Variants in PCOLCE observed in about 807,000 individuals in gnomAD.
PCOLCE encodes procollagen C-endopeptidase enhancer 1.
A neutral mutation model predicts 47.2 loss-of-function variants in PCOLCE; 33 were observed. The observed-to-expected ratio is 0.70, with a 90% confidence interval of 0.53 to 0.93. The LOEUF is 0.93. PCOLCE is among the 40% of genes least tolerant of loss of function. PCOLCE has a pLI of 0.00. For missense variants in PCOLCE, 584 were observed against 585.3 expected (o/e 1.00, Z 0.02); for synonymous variants, 254 against 252.5 (o/e 1.01, Z -0.06).
At chr7:100,602,620 C>T in intron 1 of PCOLCE, 69 bp downstream of exon 1, 1 of 1,034,738 alleles carries the variant, frequency 9.7e-7, no homozygotes, top group Non-Finnish European at 1.5e-6. Flanking sequence ...GGGGTTATGC[C>T]TGGAGATATT....
Position 100,607,757 on chromosome 7 carries a change from C to T in PCOLCE, c.1133C>T (p.Ala378Val), listed in dbSNP as rs142327464. The change falls in exon 8 of 9, where the codon GCC (alanine) becomes GTC (valine). Residue 378 changes from alanine (A) to valine (V), a missense_variant. Physicochemically the swap from Ala to Val is moderately conservative, Grantham distance 64. Coordinates refer to ENST00000223061, the MANE Select transcript of PCOLCE (RefSeq NM_002593.4). ...GLDLPSPPTG[A>V]SLKFYVPCKQ... ...GACCTGCCTTCTCCACCCACTGGTG[C>T]CTCCCTGAAGTTTTACGTGCCTTGC... 37 of 1,614,046 alleles carry T rather than the reference C, an allele frequency of 2.3e-5. No individual in the cohort carries two copies. The African/African-American group carries it at 4.8e-4, about 21-fold the overall frequency.
At chr7:100,606,155 C>T (rs1291666067) in intron 5 of PCOLCE, 5 of 537,396 alleles carry the variant, frequency 9.3e-6, no homozygotes, top group East Asian at 3.2e-5. Context: ...ATGGCGCAAC[C>T]TTGTCTGTAC....
intron 1 of PCOLCE, 55 bp from the exon 2 acceptor site, chr7:100,603,375 T>TG: frequency 1.2e-6 from 1 of 863,384 alleles, no homozygotes; most frequent in South Asian, 1.6e-5. Flanking sequence ...ATCTTGCCAG[T>TG]GCTCCCCCGT....
Position 100,606,683 on chromosome 7 carries a change from A to G in PCOLCE, c.940+53A>G, listed in dbSNP as rs1443948952. ...AAACAGACTGAAGGGGGCCATTTCA[A>G]AAAGTTCTGACCTGGGCTGTGGCTC... On this transcript the variant is annotated intron_variant, in intron 6 of 8. Coordinates refer to ENST00000223061, the MANE Select transcript of PCOLCE (RefSeq NM_002593.4). 3 of 1,407,750 alleles carry G rather than the reference A, an allele frequency of 2.1e-6. No individual in the cohort carries two copies. In the African/African-American group the frequency reaches 4.3e-5, roughly 20 times the overall value. 87.2% of individuals were successfully genotyped at this position (1,407,750 alleles called of 1,614,324 possible). A position where few individuals can be genotyped will look rare whatever the true frequency, so the allele number is the denominator to read the frequency against.
chr7:100,604,092 G>T lies in PCOLCE; in HGVS notation c.338G>T (p.Gly113Val), dbSNP rs1312533752. ...GGCCAGCGGCTCGGACGCTTTTGTG[G>T]GACCTTCCGGCCTGCGCCCCTAGTC... ...TSGQRLGRFC[G>V]TFRPAPLVAP... The change falls in exon 3 of 9, where the codon GGG becomes GTG. Residue 113 changes from glycine to valine, a missense_variant. Gly to Val is a moderately radical substitution (Grantham distance 109). Transcript: ENST00000223061. The surrounding 1 kb of genome is among the most constrained non-coding windows in gnomAD (Gnocchi z 6.4). 1.2e-6 allele frequency: 2 copies of T among 1,610,116 alleles called. No homozygotes were observed. The highest frequency in any genetic ancestry group is 2.2e-5 in the South Asian group (2 of 91,082).
rs1386110806 is a variant in PCOLCE, at chr7:100,604,831, C to T, written c.464-260C>T. On this transcript the variant is annotated intron_variant, in intron 3 of 8. Transcript: ENST00000223061. This position sits in a 1 kb window ranked among gnomAD's most constrained non-coding sequence, Gnocchi z 6.4. ...GTGCGGCCGCGGGTCGGGGAGGGGC[C>T]AGAAGGGGGCGTCCAGCCAGTTCCT... 2.0e-6 allele frequency: 1 copy of T among 509,766 alleles called. No homozygotes were observed. The highest frequency in any genetic ancestry group is 3.5e-6 in the Non-Finnish European group (1 of 282,956). 31.6% of individuals were successfully genotyped at this position (509,766 alleles called of 1,614,324 possible). A position where few individuals can be genotyped will look rare whatever the true frequency, so the allele number is the denominator to read the frequency against.
rs1235844613 is a variant in PCOLCE at position 100,604,402 on chromosome 7, C to T, written c.463+185C>T. ...TCCTCCCCGTCTTCTCTCCCCTCCT[C>T]CCGCACCCACCCATCCCTCTTCCAG... On this transcript the variant is annotated intron_variant, in intron 3 of 8. Transcript: ENST00000223061. The surrounding 1 kb of genome is among the most constrained non-coding windows in gnomAD (Gnocchi z 6.4). 1.1e-5 allele frequency: 7 copies of T among 623,170 alleles called. No individual in the cohort carries two copies. Among genetic ancestry groups the T allele is most frequent in the Non-Finnish European group, 2.0e-5 (7 of 352,880 alleles). 38.6% of individuals were successfully genotyped at this position (623,170 alleles called of 1,614,324 possible).
In PCOLCE at chr7:100,605,061, C is replaced by T. The variant is rs1000761053; in HGVS notation, c.464-30C>T. The T allele has an allele frequency of 2.6e-6, 4 of 1,564,372 alleles. No individual in the cohort carries two copies. Among genetic ancestry groups the T allele is most frequent in the Non-Finnish European group, 3.5e-6 (4 of 1,139,606 alleles). Reference sequence around the variant, plus strand: ...AGCTGACCGAGGGTCTCCACCGCCCCCCACCCCCGCTCCTCTCTCCCCTCC... The same window carrying T: ...AGCTGACCGAGGGTCTCCACCGCCCTCCACCCCCGCTCCTCTCTCCCCTCC... On this transcript the variant is annotated intron_variant, in intron 3 of 8. Transcript: ENST00000223061. This position sits in a 1 kb window ranked among gnomAD's most constrained non-coding sequence, Gnocchi z 6.1.
chr7:100,605,484 C>A lies in PCOLCE; in HGVS notation c.589-192C>A, dbSNP rs1026695736. 6 of 730,214 alleles carry A rather than the reference C, an allele frequency of 8.2e-6. No individual in the cohort carries two copies. The highest frequency in any genetic ancestry group is 7.1e-5 in the African/African-American group (4 of 56,212). The allele number at this position is 730,214 out of a possible 1,614,324, so 45.2% of individuals were successfully genotyped here. A position where few individuals can be genotyped will look rare whatever the true frequency, so the allele number is the denominator to read the frequency against. ...CGCCAGGACTTGACCTTGCCAACCACGACGACCGACACCCCTGCAGGGTCC... is the reference window on the plus strand; with the variant it reads ...CGCCAGGACTTGACCTTGCCAACCAAGACGACCGACACCCCTGCAGGGTCC... On this transcript the variant is annotated intron_variant, in intron 4 of 8. Coordinates refer to ENST00000223061, the MANE Select transcript of PCOLCE (RefSeq NM_002593.4). The surrounding 1 kb of genome is among the most constrained non-coding windows in gnomAD (Gnocchi z 6.1).
intron 5 of PCOLCE, 194 bp from the exon 6 acceptor site, chr7:100,606,222 G>A (rs746201012): frequency 2.2e-4 from 128 of 571,356 alleles, no homozygotes; most frequent in Non-Finnish European, 3.8e-4. Context: ...CCAGCAACTT[G>A]CGGGGCTGAG....
In PCOLCE at chr7:100,604,842, G is replaced by C; in HGVS notation, c.464-249G>C. 2.0e-6 allele frequency: 1 copy of C among 511,372 alleles called. No individual in the cohort carries two copies. The highest frequency in any genetic ancestry group is 3.3e-5 in the East Asian group (1 of 30,446). The allele number at this position is 511,372 out of a possible 1,614,324, so 31.7% of individuals were successfully genotyped here. A position where few individuals can be genotyped will look rare whatever the true frequency, so the allele number is the denominator to read the frequency against. On this transcript the variant is annotated intron_variant, in intron 3 of 8. Transcript: ENST00000223061. This position sits in a 1 kb window ranked among gnomAD's most constrained non-coding sequence, Gnocchi z 6.4. The stretch of plus-strand genomic sequence containing the variant: ...GGTCGGGGAGGGGCCAGAAGGGGGC[G>C]TCCAGCCAGTTCCTCCTCCCGCTTC...
At chr7:100,606,292 G>A in intron 5 of PCOLCE, 124 bp from the exon 6 acceptor site, 2 of 658,154 alleles carry the variant, frequency 3.0e-6, no homozygotes, top group Middle Eastern at 4.2e-4. Flanking sequence ...TGGAGCCACT[G>A]CACTCAAGCC....
chr7:100,603,622 C>G (rs891334422), intron 2 of PCOLCE, 84 bp downstream of exon 2: 18 of 634,636 alleles, frequency 2.8e-5, no homozygotes, highest in Non-Finnish European at 5.0e-5. Context: ...CCCCCCGTCC[C>G]CCCCGCACCA....
intron 5 of PCOLCE, chr7:100,606,026 G>A: frequency 1.6e-6 from 1 of 607,478 alleles, no homozygotes; most frequent in East Asian, 2.9e-5. Context: ...GCGAAGTTGG[G>A]ACGAAGTTAA....
rs1487929879 is a variant in PCOLCE, at chr7:100,607,926, C to T, written c.1184-11C>T. The T allele has an allele frequency of 6.8e-6, 11 of 1,614,094 alleles. No individual in the cohort carries two copies. The highest frequency in any genetic ancestry group is 5.0e-5 in the Admixed American group (3 of 60,020). On this transcript the variant is annotated splice_polypyrimidine_tract_variant and intron_variant, in intron 8 of 8. Coordinates refer to ENST00000223061, the MANE Select transcript of PCOLCE (RefSeq NM_002593.4). ...GAATAAGAGATCTCAACCCCTCCCT[C>T]CTTCTTCCAGGAGTCAGTTATCTGC...
In PCOLCE at chr7:100,604,114, A is replaced by G; in HGVS notation, c.360A>G (p.Leu120=). The G allele has an allele frequency of 6.2e-7, 1 of 1,611,742 alleles. No homozygotes were observed. Among genetic ancestry groups the G allele is most frequent in the Non-Finnish European group, 8.5e-7 (1 of 1,179,968 alleles). The stretch of plus-strand genomic sequence containing the variant: ...GTGGGACCTTCCGGCCTGCGCCCCT[A>G]GTCGCCCCCGGCAACCAGGTGACCC... ...RFCGTFRPAP[L]VAPGNQVTLR... is the part of the protein sequence containing the mutation. Residue 120 remains leucine, a synonymous_variant, in exon 3 of 9, where the codon CTA becomes CTG. Coordinates refer to ENST00000223061, the MANE Select transcript of PCOLCE (RefSeq NM_002593.4). This position sits in a 1 kb window ranked among gnomAD's most constrained non-coding sequence, Gnocchi z 6.4.
chr7:100,605,172 CG>C lies in PCOLCE; in HGVS notation c.548del (p.Gly183AlafsTer18), dbSNP rs1254128867. ...AACTGGCCCGAGTCCGATTACCCCCCGGGCATCAGCTGTTCCTGGCACATCA... is the reference window on the plus strand; with the variant it reads ...AACTGGCCCGAGTCCGATTACCCCCCGGCATCAGCTGTTCCTGGCACATCA... ...TPNWPESDYPPGISCSWHIIA... is the reference protein window; with the variant it reads ...TPNWPESDYPXGISCSWHIIA... On this transcript the variant is annotated frameshift_variant, in exon 4 of 9. Transcript: ENST00000223061. LOFTEE classifies it high-confidence loss of function. This position sits in a 1 kb window ranked among gnomAD's most constrained non-coding sequence, Gnocchi z 6.1. 1 of 1,612,936 alleles carries C rather than the reference CG, an allele frequency of 6.2e-7. No homozygotes were observed. Among genetic ancestry groups the C allele is most frequent in the African/African-American group, 1.3e-5 (1 of 74,894 alleles).
rs1487674575 is a variant in PCOLCE at position 100,603,454 on chromosome 7, T to C, written c.120T>C (p.Asp40=). The change falls in exon 2 of 9, where the codon GAT becomes GAC. Residue 40 remains aspartate (D), a synonymous_variant. Transcript: ENST00000223061. Reference sequence around the variant, plus strand: ...GACCCGTGTTCCTGTGCGGAGGGGATGTGAAGGGGGAATCAGGTTACGTGG... The same window carrying C: ...GACCCGTGTTCCTGTGCGGAGGGGACGTGAAGGGGGAATCAGGTTACGTGG... ...YTRPVFLCGG[D]VKGESGYVAS... 1.2e-6 allele frequency: 2 copies of C among 1,604,900 alleles called. No homozygotes were observed. The highest frequency in any genetic ancestry group is 1.7e-6 in the Non-Finnish European group (2 of 1,175,146).
chr7:100,605,142 C>A lies in PCOLCE; in HGVS notation c.515C>A (p.Thr172Lys), dbSNP rs1270797150. Reference sequence around the variant, plus strand: ...GAGAAGGCCCAGGGAACCCTGACCACGCCCAACTGGCCCGAGTCCGATTAC... The same window carrying A: ...GAGAAGGCCCAGGGAACCCTGACCAAGCCCAACTGGCCCGAGTCCGATTAC... ...RLEKAQGTLT[T>K]PNWPESDYPP... The change falls in exon 4 of 9, where the codon ACG becomes AAG. Residue 172 changes from threonine to lysine, a missense_variant. Thr to Lys is a moderately conservative substitution (Grantham distance 78). Coordinates refer to ENST00000223061, the MANE Select transcript of PCOLCE (RefSeq NM_002593.4). This position sits in a 1 kb window ranked among gnomAD's most constrained non-coding sequence, Gnocchi z 6.1. 2 of 1,613,044 alleles carry A rather than the reference C, an allele frequency of 1.2e-6. No homozygotes were observed. The highest frequency in any genetic ancestry group is 1.7e-6 in the Non-Finnish European group (2 of 1,179,644).
Sources: allele counts gnomAD v4.1 joint callset, GRCh38; gene constraint gnomAD v4.1.1; non-coding constraint Gnocchi (gnomAD v3.1); transcripts MANE v1.5; gene names NCBI Gene and HGNC (gene_info 2026-07-23, HGNC 2026-07-21).